Variants in CEP85 observed in about 807,000 individuals in gnomAD.
CEP85 encodes the protein centrosomal protein 85, also known as centrosomal protein of 85 kDa.
A neutral mutation model predicts 93.7 loss-of-function variants in CEP85; 58 were observed. That is an observed-to-expected ratio of 0.62 (90% CI 0.50 to 0.77). The LOEUF (loss-of-function observed/expected upper bound fraction) is 0.77, where lower values mean the gene tolerates loss of function less well. Among genes scored for constraint, CEP85 ranks in the 30% least tolerant of loss-of-function variants. CEP85 has a pLI of 0.00. For synonymous variants in CEP85, 314 were observed against 338.6 expected, an observed-to-expected ratio of 0.93 and a Z score of 0.80; for missense variants, 868 against 922.0, an observed-to-expected ratio of 0.94 and a Z score of 0.76.
chr1:26,272,231 A>T, intron 11 of CEP85, 160 bp downstream of exon 11: 1 of 689,500 alleles, frequency 1.5e-6, no homozygotes, highest in East Asian at 2.7e-5. Flanking sequence ...CTGAGAGGAC[A>T]CAAATATAGT....
Position 26,274,998 on chromosome 1 carries a change from C to T in CEP85, c.1829C>T (p.Thr610Ile). The change falls in exon 12 of 14, where the codon ACA (threonine) becomes ATA (isoleucine). Residue 610 changes from threonine (T) to isoleucine (I), a missense_variant. Physicochemically the swap from Thr to Ile is moderately conservative, Grantham distance 89. Coordinates refer to ENST00000451429, the MANE Select transcript of CEP85 (RefSeq NM_001319944.2). ...LEQEVAQEEG[T>I]SQALREEAQR... ...CAGGAAGTGGCTCAAGAAGAAGGAA[C>T]AAGCCAGGCCCTGAGAGAGGAGGCC... 6.3e-7 allele frequency: 1 copy of T among 1,583,376 alleles called. No homozygotes were observed. Among genetic ancestry groups the T allele is most frequent in the African/African-American group, 1.3e-5 (1 of 74,218 alleles).
At chr1:26,245,811 G>A (rs2089500676) in intron 3 of CEP85, among the ~76,000 whole-genome samples, 1 of 152,206 alleles carries the variant, frequency 6.6e-6, no homozygotes, top group South Asian at 2.1e-4. Flanking sequence ...CACAAAACTT[G>A]TCACTTTGAT....
chr1:26,262,409 T>C (rs1289128858), intron 7 of CEP85, among the ~76,000 whole-genome samples: 3 of 150,950 alleles, frequency 2.0e-5, no homozygotes, highest in East Asian at 1.9e-4. Flanking sequence ...ACCCAGGAGG[T>C]AGATGTTGCA....
chr1:26,253,127 T>C (rs1211253912), intron 3 of CEP85, among the ~76,000 whole-genome samples: 1 of 152,214 alleles, frequency 6.6e-6, no homozygotes, highest in African/African-American at 2.4e-5. Flanking sequence ...TTTCCTTATC[T>C]GTTCGTCTGT....
chr1:26,255,700 G>A lies in CEP85; in HGVS notation c.738G>A (p.Gly246=), dbSNP rs1245982586. ...ATGGACCACATTCTAATAGCAGTGGGGTCCTCCCTTTGGGACTCCAGCCTG... is the reference window on the plus strand; with the variant it reads ...ATGGACCACATTCTAATAGCAGTGGAGTCCTCCCTTTGGGACTCCAGCCTG... ...ERNGPHSNSS[G]VLPLGLQPAP... The change falls in exon 4 of 14, where the codon GGG becomes GGA. Residue 246 remains glycine, a synonymous_variant. Coordinates refer to ENST00000451429, the MANE Select transcript of CEP85 (RefSeq NM_001319944.2). The A allele has an allele frequency of 1.9e-6, 3 of 1,614,146 alleles. No homozygotes were observed. In the Admixed American group the frequency reaches 5.0e-5, roughly 27 times the overall value.
rs776749825 is a variant in CEP85, at chr1:26,244,244, G to A, written c.134G>A (p.Arg45His). The change falls in exon 3 of 14, where the codon CGC (arginine) becomes CAC (histidine). Residue 45 changes from arginine to histidine, a missense_variant. Transcript: ENST00000451429. ...GTTATCTCGGAGCCCTTTCGGAGCC[G>A]CTTCAGCCGCTGTTCAAGTGTAGCC... ...TPVISEPFRS[R>H]FSRCSSVADS... 28 of 1,613,892 alleles carry A rather than the reference G, an allele frequency of 1.7e-5. No individual in the cohort carries two copies. Among genetic ancestry groups the A allele is most frequent in the East Asian group, 4.5e-5 (2 of 44,860 alleles).
intron 12 of CEP85, 91 bp from the exon 13 acceptor site, chr1:26,276,444 C>A: frequency 1.0e-6 from 1 of 995,678 alleles, no homozygotes; most frequent in Non-Finnish European, 1.6e-6. Flanking sequence ...GCCTATGACT[C>A]ACCCATCCCT....
intron 3 of CEP85, among the ~76,000 whole-genome samples, chr1:26,249,373 C>T (rs1557652875): frequency 6.6e-6 from 1 of 152,266 alleles, no homozygotes; most frequent in African/African-American, 2.4e-5. Flanking sequence ...TGAGCCACTG[C>T]TCCTGGCCTC....
chr1:26,269,452 T>C lies in CEP85; in HGVS notation c.1495-8T>C. The C allele has an allele frequency of 6.2e-7, 1 of 1,613,076 alleles. No individual in the cohort carries two copies. Among genetic ancestry groups the C allele is most frequent in the Non-Finnish European group, 8.5e-7 (1 of 1,179,236 alleles). On this transcript the variant is annotated splice_polypyrimidine_tract_variant and splice_region_variant and intron_variant, in intron 8 of 13. Coordinates refer to ENST00000451429, the MANE Select transcript of CEP85 (RefSeq NM_001319944.2). ...TATTTGACCTAAACATGGGATCCTG[T>C]CTCTCAGCTTAAGGATTCTGAGTTG...
intron 7 of CEP85, among the ~76,000 whole-genome samples, chr1:26,267,184 A>G (rs984927525): frequency 2.6e-5 from 4 of 152,226 alleles, no homozygotes; most frequent in East Asian, 1.9e-4. Context: ...GTAGGCTTCT[A>G]TGACCCCTTC....
chr1:26,241,647 C>T (rs1256757180), intron 2 of CEP85, among the ~76,000 whole-genome samples: 4 of 152,134 alleles, frequency 2.6e-5, no homozygotes, highest in Non-Finnish European at 5.9e-5. Flanking sequence ...GGAACAATGC[C>T]TTTCCTATGG....
At position 26,278,465 on chromosome 1, in the gene CEP85, A is replaced by C. The variant is rs1205426371; in HGVS notation, c.*1172A>C. 6.6e-6 allele frequency: 1 copy of C among 152,604 alleles called. No individual in the cohort carries two copies. Among genetic ancestry groups the C allele is most frequent in the Non-Finnish European group, 1.5e-5 (1 of 68,042 alleles). The allele number at this position is 152,604 out of a possible 1,614,324, so 9.5% of individuals were successfully genotyped here. A position where few individuals can be genotyped will look rare whatever the true frequency, so the allele number is the denominator to read the frequency against. On this transcript the variant is annotated 3_prime_UTR_variant, in exon 14 of 14. Transcript: ENST00000451429. ...GTGTGGGCCAGTCAGCCACTACAAG[A>C]TTTTTGCTAAGCTTTGGGCTGTTGG...
intron 8 of CEP85, chr1:26,269,168 G>T: frequency 3.0e-6 from 1 of 331,812 alleles, no homozygotes; most frequent in African/African-American, 2.1e-5. Context: ...CTTTAAAATA[G>T]CCAATCAGAA....
At chr1:26,270,132 C>T (rs2089953440) in intron 9 of CEP85, among the ~76,000 whole-genome samples, 1 of 152,136 alleles carries the variant, frequency 6.6e-6, no homozygotes, top group Non-Finnish European at 1.5e-5. Flanking sequence ...GGCTTATCTT[C>T]ATAGCCTTTG....
intron 9 of CEP85, 40 bp downstream of exon 9, chr1:26,269,654 GT>G: frequency 6.4e-7 from 1 of 1,557,028 alleles, no homozygotes; most frequent in East Asian, 2.3e-5. Flanking sequence ...GGAGAGTTAA[GT>G]TTTTTGTCAT....
chr1:26,261,940 GC>G (rs1480138363), intron 7 of CEP85, among the ~76,000 whole-genome samples: 1 of 152,084 alleles, frequency 6.6e-6, no homozygotes, highest in Non-Finnish European at 1.5e-5. Context: ...GGAGGCCAAG[GC>G]AGGCGAATCA....
At chr1:26,258,304 G>A (rs761327306) in intron 6 of CEP85, 44 bp downstream of exon 6, 27 of 1,288,854 alleles carry the variant, frequency 2.1e-5, no homozygotes, top group Non-Finnish European at 2.6e-5. Context: ...GTCATAACTC[G>A]GTGTCTTCCC....
In CEP85 at chr1:26,255,312, A is replaced by T; in HGVS notation, c.350A>T (p.Lys117Ile). 6.2e-7 allele frequency: 1 copy of T among 1,614,052 alleles called. No individual in the cohort carries two copies. Among genetic ancestry groups the T allele is most frequent in the South Asian group, 1.1e-5 (1 of 91,062 alleles). ...NSTPVGPSSSKLPLSGLAESV... is the reference protein window; with the variant it reads ...NSTPVGPSSSILPLSGLAESV... ...ACACCTGTTGGACCCTCTTCCTCTA[A>T]ACTCCCTTTGTCAGGGTTGGCTGAA... is the stretch of plus-strand genomic sequence containing the variant. The change falls in exon 4 of 14, where the codon AAA (lysine) becomes ATA (isoleucine). Residue 117 changes from lysine to isoleucine, a missense_variant. Coordinates refer to ENST00000451429, the MANE Select transcript of CEP85 (RefSeq NM_001319944.2).
intron 1 of CEP85, among the ~76,000 whole-genome samples, chr1:26,234,525 G>A (rs545445837): frequency 3.3e-5 from 5 of 152,346 alleles, no homozygotes; most frequent in African/African-American, 1.2e-4. Flanking sequence ...TGCCGTCCGT[G>A]GTTCACCCCA....
Sources: allele counts gnomAD v4.1 joint callset (sites outside exome capture counted in the v4.1 genomes callset), GRCh38; gene constraint gnomAD v4.1.1; transcripts MANE v1.5; gene names NCBI Gene and HGNC (gene_info 2026-07-23, HGNC 2026-07-21).